The following TRAP1 variants were observed in gnomAD, a reference collection of about 807,000 sequenced individuals.
TRAP1 encodes the protein TNF receptor associated protein 1, also known as heat shock protein 75 kDa, mitochondrial.
Under a neutral mutation model 89.1 loss-of-function variants are expected in TRAP1, and 102 were observed. The observed-to-expected ratio is 1.15, with a 90% CI of 0.98 to 1.35. The LOEUF (loss-of-function observed/expected upper bound fraction) is 1.35. TRAP1 is among the 40% of genes most tolerant of loss of function. TRAP1 has a pLI of 0.00. For missense variants in TRAP1, 1,256 were observed against 945.3 expected (o/e 1.33, Z -4.31); for synonymous variants, 508 against 388.0 (o/e 1.31, Z -3.64).
At chr16:3,673,468 T>G (rs2050943174) in intron 9 of TRAP1, among the ~76,000 whole-genome samples, 1 of 152,188 alleles carries the variant, frequency 6.6e-6, no homozygotes, top group Non-Finnish European at 1.5e-5. Context: ...GACCCACACC[T>G]CATCACGGGA....
At chr16:3,673,559 G>C (rs934631852) in intron 9 of TRAP1, among the ~76,000 whole-genome samples, 1 of 150,654 alleles carries the variant, frequency 6.6e-6, no homozygotes, top group Non-Finnish European at 1.5e-5. Flanking sequence ...TAAAATGGGG[G>C]GGATCCGGTT....
chr16:3,709,227 C>G (rs1329285981), intron 1 of TRAP1, among the ~76,000 whole-genome samples: 5 of 82,398 alleles, frequency 6.1e-5, no homozygotes, highest in Non-Finnish European at 8.3e-5. Flanking sequence ...AACTCCATCT[C>G]AAAAAAAAAA....
In TRAP1 at chr16:3,672,827, G is replaced by T. The variant is rs1348397160; in HGVS notation, c.1045-7C>A. On this transcript the variant is annotated splice_region_variant and splice_polypyrimidine_tract_variant and intron_variant, in intron 9 of 17. Coordinates refer to ENST00000246957, the MANE Select transcript of TRAP1 (RefSeq NM_016292.3). ...CATCAAACATGGACGGTTTCTGGGG[G>T]TGAGGAGAACACGCCATCATGCAGC... 2.5e-6 allele frequency: 4 copies of T among 1,611,554 alleles called. No individual in the cohort carries two copies. Among genetic ancestry groups the T allele is most frequent in the Non-Finnish European group, 2.5e-6 (3 of 1,179,194 alleles).
rs35863772 is a variant in TRAP1 at position 3,666,560 on chromosome 16, T to TA, written c.1236-443dup. On this transcript the variant is annotated intron_variant, in intron 11 of 17. Transcript: ENST00000246957. ...AAAATTATGTAATGCTAAATGGCCA[T>TA]AAAAAAAAAAAACTGCATCTTTTAA... Among the ~76,000 whole-genome samples the TA allele has an allele frequency of 3.9e-3, 572 of 147,376 alleles. 3 individuals carry two copies. Among genetic ancestry groups the TA allele is most frequent in the Admixed American group, 6.2e-3 (91 of 14,750 alleles).
In TRAP1 at chr16:3,658,694, A is replaced by AAAC. The variant is rs1445137463; in HGVS notation, c.2013+98_2013+99insGTT. ...CTCAAAAAACAAACAAACAAACAAA[A>AAAC]AGACAGGATTTTAGAGGAAACCGCT... On this transcript the variant is annotated intron_variant, in intron 17 of 17. Coordinates refer to ENST00000246957, the MANE Select transcript of TRAP1 (RefSeq NM_016292.3). 1.3e-5 allele frequency: 13 copies of AAAC among 1,036,162 alleles called. No homozygotes were observed. The African/African-American group carries it at 1.9e-4, about 15-fold the overall frequency. The allele number at this position is 1,036,162 out of a possible 1,614,324, so 64.2% of individuals were successfully genotyped here.
rs765779770 is a variant in TRAP1, at chr16:3,671,770, A to G, written c.1187T>C (p.Ile396Thr). ...CAGCTCCCGGCTGAGGTTCAGGGGA[A>G]TGTCCTCACTGTCCACCACACCTGG... ...FIRGVVDSED[I>T]PLNLSRELLQ... is the part of the protein sequence containing the mutation. The change falls in exon 11 of 18, where the codon ATT (isoleucine) becomes ACT (threonine). Residue 396 changes from isoleucine (I) to threonine (T), a missense_variant. Physicochemically the swap from Ile to Thr is moderately conservative, Grantham distance 89. Transcript: ENST00000246957. 24 of 1,613,044 alleles carry G rather than the reference A, an allele frequency of 1.5e-5. No homozygotes were observed. The highest frequency in any genetic ancestry group is 2.0e-5 in the Non-Finnish European group (24 of 1,180,020).
At chr16:3,673,317 G>A in intron 9 of TRAP1, among the ~76,000 whole-genome samples, 1 of 152,236 alleles carries the variant, frequency 6.6e-6, no homozygotes, top group East Asian at 1.9e-4. Flanking sequence ...TCAGAGGGCA[G>A]CAGGGCAGTG....
chr16:3,690,584 AG>A lies in TRAP1; in HGVS notation c.247+242del, dbSNP rs571789289. Among the ~76,000 whole-genome samples the A allele has an allele frequency of 2.3e-4, 35 of 152,244 alleles. No homozygotes were observed. The East Asian group carries it at 6.2e-3, about 27-fold the overall frequency. ...GCAGATGTGCCATGAATCACCACTC[AG>A]GGGAGGTGCCGGACGGCAAACTCAC... On this transcript the variant is annotated intron_variant, in intron 2 of 17. Coordinates refer to ENST00000246957, the MANE Select transcript of TRAP1 (RefSeq NM_016292.3).
intron 5 of TRAP1, chr16:3,678,064 A>G (rs1425845629): frequency 5.7e-6 from 1 of 175,948 alleles, no homozygotes; most frequent in East Asian, 1.7e-4. Context: ...CCTGGACTCT[A>G]CACTTTGTGG....
chr16:3,697,407 G>A (rs1297466909), intron 1 of TRAP1, among the ~76,000 whole-genome samples: 1 of 152,064 alleles, frequency 6.6e-6, no homozygotes, highest in Admixed American at 6.6e-5. Context: ...GCTCACACCT[G>A]TAATCCCAGC....
At chr16:3,674,627 T>C (rs988340209) in intron 8 of TRAP1, 133 bp from the exon 9 acceptor site, 25 of 1,099,660 alleles carry the variant, frequency 2.3e-5, no homozygotes, top group Non-Finnish European at 2.8e-5. Context: ...GTCTCAGGCG[T>C]AGACCCCTCT....
chr16:3,717,342 G>T, intron 1 of TRAP1, 79 bp downstream of exon 1: 1 of 547,834 alleles, frequency 1.8e-6, no homozygotes, highest in Non-Finnish European at 2.7e-6. Context: ...CCGGCGCCTC[G>T]CTCCCCGGAG....
intron 1 of TRAP1, among the ~76,000 whole-genome samples, chr16:3,713,931 C>T (rs1398508467): frequency 6.6e-6 from 1 of 152,228 alleles, no homozygotes; most frequent in Non-Finnish European, 1.5e-5. Flanking sequence ...GAGGCTCCTA[C>T]GCACAAGCTT....
At position 3,664,371 on chromosome 16, in the gene TRAP1, C is replaced by T. The variant is rs139522807; in HGVS notation, c.1472G>A (p.Arg491Gln). The T allele has an allele frequency of 7.1e-4, 1,145 of 1,612,938 alleles. 9 individuals carry two copies. In the African/African-American group the frequency reaches 0.014, roughly 19 times the overall value. ...GTAGTAGATGTTGCGGGTGCCGGCC[C>T]GCATGCGGCTGGCGTATTCTGAGAG... ...TSLSEYASRM[R>Q]AGTRNIYYLC... The change falls in exon 13 of 18, where the codon CGG becomes CAG. Residue 491 changes from arginine (R) to glutamine (Q), a missense_variant. Physicochemically the swap from Arg to Gln is conservative, Grantham distance 43. Coordinates refer to ENST00000246957, the MANE Select transcript of TRAP1 (RefSeq NM_016292.3).
At chr16:3,698,236 T>C (rs1443482197) in intron 1 of TRAP1, among the ~76,000 whole-genome samples, 1 of 151,760 alleles carries the variant, frequency 6.6e-6, no homozygotes, top group African/African-American at 2.4e-5. Flanking sequence ...CTTAGTATCA[T>C]AACGCCAAGA....
At chr16:3,705,317 C>G (rs1033809515) in intron 1 of TRAP1, among the ~76,000 whole-genome samples, 12 of 152,132 alleles carry the variant, frequency 7.9e-5, no homozygotes, top group African/African-American at 2.9e-4. Context: ...GATCCGCCCG[C>G]ATCGGCCTCC....
chr16:3,712,445 A>C (rs527964314), intron 1 of TRAP1, among the ~76,000 whole-genome samples: 2 of 152,066 alleles, frequency 1.3e-5, no homozygotes, highest in South Asian at 4.2e-4. Context: ...ATTTTCCCAC[A>C]GTTTTCTTAT....
At chr16:3,674,297 C>A in intron 9 of TRAP1, 42 bp downstream of exon 9, 1 of 1,607,846 alleles carries the variant, frequency 6.2e-7, no homozygotes, top group Non-Finnish European at 8.5e-7. Flanking sequence ...CAGGGGACAA[C>A]AGAGTCACCC....
chr16:3,674,614 G>A, intron 8 of TRAP1, 120 bp from the exon 9 acceptor site: 1 of 1,273,196 alleles, frequency 7.9e-7, no homozygotes, highest in Non-Finnish European at 1.1e-6. Context: ...CAGACGGGCG[G>A]TGGTCTCAGG....
Sources: gnomAD v4.1 joint callset for allele counts (sites outside exome capture counted in the v4.1 genomes callset) on GRCh38, gnomAD v4.1.1 for gene constraint, MANE v1.5 for transcripts, NCBI Gene and HGNC (gene_info 2026-07-23, HGNC 2026-07-21) for gene names.